COL7A1: variants seen among roughly 807,000 people sequenced by gnomAD.
COL7A1 encodes collagen type VII alpha 1 chain.
In COL7A1, 296 loss-of-function variants were observed where a neutral mutation model predicts 456.2. The observed-to-expected ratio is 0.65, with a 90% CI of 0.59 to 0.71. COL7A1 has a LOEUF of 0.71. Among genes scored for constraint, COL7A1 ranks in the 30% least tolerant of loss-of-function variants. The pLI is 0.00. For synonymous variants in COL7A1, 1,464 were observed against 1,525.9 expected (o/e 0.96, Z 0.95); for missense variants, 3,441 against 4,017.2 (o/e 0.86, Z 3.88).
chr3:48,576,097 C>A lies in COL7A1; in HGVS notation c.5820+152G>T, dbSNP rs1321564969. On this transcript the variant is annotated intron_variant, in intron 71 of 118. Coordinates refer to ENST00000681320, the MANE Select transcript of COL7A1 (RefSeq NM_000094.4). ...GGTGTGTCCCCACTGCCCAAGTTCC[C>A]TTGAGTGTGGGCTACAAGAACCCCA... 1.6e-5 allele frequency: 22 copies of A among 1,405,610 alleles called. No homozygotes were observed. In the South Asian group the frequency reaches 2.7e-4, roughly 17 times the overall value. The allele number at this position is 1,405,610 out of a possible 1,614,324, so 87.1% of individuals were successfully genotyped here.
chr3:48,566,501 C>T lies in COL7A1; in HGVS notation c.8358+9G>A. The T allele has an allele frequency of 6.2e-7, 1 of 1,614,044 alleles. No individual in the cohort carries two copies. The highest frequency in any genetic ancestry group is 1.3e-5 in the African/African-American group (1 of 75,032). ...AGGCCCTCCCAGGCCCATCCAGGCC[C>T]ACACTCACCGTCAGTGCAGCTTCTC... On this transcript the variant is annotated intron_variant, in intron 113 of 118. Coordinates refer to ENST00000681320, the MANE Select transcript of COL7A1 (RefSeq NM_000094.4). The surrounding 1 kb of genome is among the most constrained non-coding windows in gnomAD (Gnocchi z 5.9).
chr3:48,579,059 G>A lies in COL7A1; in HGVS notation c.5389-105C>T. On this transcript the variant is annotated intron_variant, in intron 62 of 118. Coordinates refer to ENST00000681320, the MANE Select transcript of COL7A1 (RefSeq NM_000094.4). This position sits in a 1 kb window ranked among gnomAD's most constrained non-coding sequence, Gnocchi z 4.4. ...CAAGAACATGCCCCACCCAGGCAGG[G>A]CTCTGGGAGAAGACACAGACAACAG... The A allele has an allele frequency of 1.3e-6, 2 of 1,557,518 alleles. No individual in the cohort carries two copies. Among genetic ancestry groups the A allele is most frequent in the Non-Finnish European group, 1.8e-6 (2 of 1,130,218 alleles).
At chr3:48,589,187 CACTT>C (rs1205298913) in intron 18 of COL7A1, 136 bp downstream of exon 18, 6 of 1,470,030 alleles carry the variant, frequency 4.1e-6, no homozygotes, top group Admixed American at 3.6e-5. Flanking sequence ...CGTGGGTGGA[CACTT>C]AATCAGTGTG....
Position 48,572,149 on chromosome 3 carries a change from A to G in COL7A1, c.7001T>C (p.Leu2334Pro). 3 of 1,614,008 alleles carry G rather than the reference A, an allele frequency of 1.9e-6. No individual in the cohort carries two copies. The South Asian group carries it at 3.3e-5, about 18-fold the overall frequency. The change falls in exon 91 of 119, where the codon CTG becomes CCG. Residue 2334 changes from leucine to proline, a missense_variant. Physicochemically the swap from Leu to Pro is moderately conservative, Grantham distance 98 (BLOSUM62 -3). Transcript: ENST00000681320. The surrounding 1 kb of genome is among the most constrained non-coding windows in gnomAD (Gnocchi z 4.6). The stretch of plus-strand genomic sequence containing the variant: ...CACCTTCTCGCCTCGCGGCCCTGGC[A>G]GTCCTCGGTCACCTTTGGCTCCCTG... ...GEPGAKGDRG[L>P]PGPRGEKGEA...
Position 48,568,533 on chromosome 3 carries a change from C to A in COL7A1, c.7760G>T (p.Gly2587Val). The change falls in exon 105 of 119, where the codon GGT becomes GTT. Residue 2587 changes from glycine (G) to valine (V), a missense_variant and splice_region_variant. By Grantham distance (109) the Gly-to-Val change is moderately radical (BLOSUM62 -3). Around this residue, in one of 3 missense-constraint regions of COL7A1, gnomAD observed 2,084 missense variants for 2,501.3 expected, o/e 0.83. Transcript: ENST00000681320. The surrounding 1 kb of genome is among the most constrained non-coding windows in gnomAD (Gnocchi z 5.2). ...AGGGATCCCTGCTGCACCAGGTTGA[C>A]CCTGTGAGAAACACAGATGGGGGAG... ...PGLRGLLGPQ[G>V]QPGAAGIPGD... is the part of the protein sequence containing the mutation. 1 of 1,607,560 alleles carries A rather than the reference C, an allele frequency of 6.2e-7. No individual in the cohort carries two copies. The highest frequency in any genetic ancestry group is 8.5e-7 in the Non-Finnish European group (1 of 1,175,342).
Position 48,588,944 on chromosome 3 carries a change from C to A in COL7A1, c.2366G>T (p.Ser789Ile). The part of the protein sequence containing the change: ...VSRLQILNAS[S>I]DVLRITWVGV... ...TACCCAGGTGATCCGTAGAACGTCG[C>A]TGGAAGCATTGAGGATCTGCAGCCT... is the stretch of plus-strand genomic sequence containing the variant. The change falls in exon 19 of 119, where the codon AGC becomes ATC. Residue 789 changes from serine to isoleucine, a missense_variant. Ser to Ile is a moderately radical substitution (Grantham distance 142, BLOSUM62 -2). Around this residue, in one of 3 missense-constraint regions of COL7A1, gnomAD observed 913 missense variants for 1,088.2 expected, o/e 0.84. Transcript: ENST00000681320. The surrounding 1 kb of genome is among the most constrained non-coding windows in gnomAD (Gnocchi z 4.6). The A allele has an allele frequency of 6.2e-7, 1 of 1,613,618 alleles. No individual in the cohort carries two copies.
chr3:48,592,898 A>G lies in COL7A1; in HGVS notation c.723T>C (p.Ser241=), dbSNP rs1458948766. ...CTCTCAAGGATTGGCTGCTTGGCTC[A>G]GACAGCACCAGGTCTCGTGGAGCAG... is the stretch of plus-strand genomic sequence containing the variant. The part of the protein sequence containing the change: ...STSAPRDLVL[S]EPSSQSLRVQ... Residue 241 remains serine, a synonymous_variant, in exon 7 of 119, where the codon TCT becomes TCC. Coordinates refer to ENST00000681320, the MANE Select transcript of COL7A1 (RefSeq NM_000094.4). This position sits in a 1 kb window ranked among gnomAD's most constrained non-coding sequence, Gnocchi z 7.6. The G allele has an allele frequency of 6.2e-7, 1 of 1,614,032 alleles. No individual in the cohort carries two copies.
Position 48,569,353 on chromosome 3 carries a change from T to C in COL7A1, c.7686+22A>G. 5.6e-6 allele frequency: 9 copies of C among 1,612,812 alleles called. No individual in the cohort carries two copies. Among genetic ancestry groups the C allele is most frequent in the Non-Finnish European group, 7.6e-6 (9 of 1,179,506 alleles). The stretch of plus-strand genomic sequence containing the variant: ...CACAGCCACAGGACCCCACAGAGAG[T>C]ACACCACCCTCTTCCCTGTACCTTG... On this transcript the variant is annotated intron_variant, in intron 103 of 118. Transcript: ENST00000681320. The surrounding 1 kb of genome is among the most constrained non-coding windows in gnomAD (Gnocchi z 4.9).
rs954849188 is a variant in COL7A1, at chr3:48,572,961, G to C, written c.6751-19C>G. 2 of 1,613,902 alleles carry C rather than the reference G, an allele frequency of 1.2e-6. No homozygotes were observed. The highest frequency in any genetic ancestry group is 1.3e-5 in the African/African-American group (1 of 74,906). On this transcript the variant is annotated intron_variant, in intron 86 of 118. Transcript: ENST00000681320. The surrounding 1 kb of genome is among the most constrained non-coding windows in gnomAD (Gnocchi z 4.6). ...TCTCCCCCTGAGAGGGAAGAGCTCT[G>C]TCAGGGCTGCCTGTCGACCCTTGAC...
rs774514157 is a variant in COL7A1, at chr3:48,592,084, A to G, written c.1240+18T>C. On this transcript the variant is annotated intron_variant, in intron 10 of 118. Coordinates refer to ENST00000681320, the MANE Select transcript of COL7A1 (RefSeq NM_000094.4). This position sits in a 1 kb window ranked among gnomAD's most constrained non-coding sequence, Gnocchi z 7.6. ...TGCCTGCCCGTCCCAGCCTGAAGAAAGTGCCCAGCCTTCTCACCAGTGCGA... is the reference window on the plus strand; with the variant it reads ...TGCCTGCCCGTCCCAGCCTGAAGAAGGTGCCCAGCCTTCTCACCAGTGCGA... 1.2e-6 allele frequency: 2 copies of G among 1,614,138 alleles called. No homozygotes were observed. The highest frequency in any genetic ancestry group is 1.7e-6 in the Non-Finnish European group (2 of 1,180,008).
In COL7A1 at chr3:48,590,580, C is replaced by G. The variant is rs749549682; in HGVS notation, c.1785G>C (p.Pro595=). The G allele has an allele frequency of 6.2e-7, 1 of 1,614,114 alleles. No individual in the cohort carries two copies. Among genetic ancestry groups the G allele is most frequent in the Non-Finnish European group, 8.5e-7 (1 of 1,180,032 alleles). Residue 595 remains proline, a synonymous_variant, in exon 15 of 119, where the codon CCG becomes CCC. Transcript: ENST00000681320. The surrounding 1 kb of genome is among the most constrained non-coding windows in gnomAD (Gnocchi z 4.6). ...SASVLTVRRE[P]ETPLAVPGLR... ...GCCCTGGAACAGCAAGTGGAGTTTC[C>G]GGCTCTAGGAGTTACAGACAGAAGT...
rs2043846853 is a variant in COL7A1, at chr3:48,570,559, C to T, written c.7345-59G>A. On this transcript the variant is annotated intron_variant, in intron 96 of 118. Transcript: ENST00000681320. This position sits in a 1 kb window ranked among gnomAD's most constrained non-coding sequence, Gnocchi z 5.5. Reference sequence around the variant, plus strand: ...TCTCAAAGCGCCTCCCCCAACACCCCACAGTGTGGCCCGCCCCATCCTAAG... The same window carrying T: ...TCTCAAAGCGCCTCCCCCAACACCCTACAGTGTGGCCCGCCCCATCCTAAG... 3 of 1,613,650 alleles carry T rather than the reference C, an allele frequency of 1.9e-6. No individual in the cohort carries two copies. Among genetic ancestry groups the T allele is most frequent in the Admixed American group, 3.3e-5 (2 of 59,980 alleles).
rs201073662 is a variant in COL7A1 at position 48,585,916 on chromosome 3, C to A, written c.3759+24G>T. The A allele has an allele frequency of 7.4e-6, 12 of 1,614,126 alleles. No individual in the cohort carries two copies. Among genetic ancestry groups the A allele is most frequent in the Non-Finnish European group, 1.0e-5 (12 of 1,180,018 alleles). ...GCTAGCCCCAGGTGCAGCCTCTGTT[C>A]ACCTCTCGATGAGGGACTCTTACCT... On this transcript the variant is annotated intron_variant, in intron 29 of 118. Coordinates refer to ENST00000681320, the MANE Select transcript of COL7A1 (RefSeq NM_000094.4). This position sits in a 1 kb window ranked among gnomAD's most constrained non-coding sequence, Gnocchi z 4.5.
chr3:48,579,921 AG>A lies in COL7A1; in HGVS notation c.5125-108del. 6.2e-7 allele frequency: 1 copy of A among 1,607,186 alleles called. No individual in the cohort carries two copies. The highest frequency in any genetic ancestry group is 8.5e-7 in the Non-Finnish European group (1 of 1,173,862). Reference sequence around the variant, plus strand: ...CTCCAGGGATCCGCGGAGGTTTCAGAGGGACAGTGGGGGAAGTGGGAGTTAG... The same window carrying A: ...CTCCAGGGATCCGCGGAGGTTTCAGAGGACAGTGGGGGAAGTGGGAGTTAG... On this transcript the variant is annotated intron_variant, in intron 57 of 118. Transcript: ENST00000681320. The surrounding 1 kb of genome is among the most constrained non-coding windows in gnomAD (Gnocchi z 4.4).
At position 48,584,741 on chromosome 3, in the gene COL7A1, C is replaced by T. The variant is rs1176011232; in HGVS notation, c.4040G>A (p.Gly1347Glu). The part of the protein sequence containing the change: ...PGERGPRGPK[G>E]EPGAPGQVIG... ...CCTTCCCCCTTCACCTACCGGCTCCCCCTTTGGGCCTCGAGGTCCTCGCTC... is the reference window on the plus strand; with the variant it reads ...CCTTCCCCCTTCACCTACCGGCTCCTCCTTTGGGCCTCGAGGTCCTCGCTC... The change falls in exon 35 of 119, where the codon GGG becomes GAG. Residue 1347 changes from glycine to glutamate, a missense_variant. This residue lies in a region of COL7A1 where 2,084 missense variants were observed against 2,501.3 expected (regional missense o/e 0.83). Coordinates refer to ENST00000681320, the MANE Select transcript of COL7A1 (RefSeq NM_000094.4). 1 of 1,613,932 alleles carries T rather than the reference C, an allele frequency of 6.2e-7. No individual in the cohort carries two copies. The highest frequency in any genetic ancestry group is 1.3e-5 in the African/African-American group (1 of 74,928).
chr3:48,584,880 T>C (rs769795315), intron 34 of COL7A1, 30 bp downstream of exon 34: 10 of 1,613,604 alleles, frequency 6.2e-6, no homozygotes, highest in Non-Finnish European at 6.8e-6. Context: ...GGGAAGACAC[T>C]TAGAGAGCAA....
Position 48,588,831 on chromosome 3 carries a change from C to T in COL7A1, c.2440+39G>A, listed in dbSNP as rs1395555122. The T allele has an allele frequency of 1.2e-6, 2 of 1,613,376 alleles. No homozygotes were observed. The highest frequency in any genetic ancestry group is 4.5e-5 in the East Asian group (2 of 44,882). On this transcript the variant is annotated intron_variant, in intron 19 of 118. Coordinates refer to ENST00000681320, the MANE Select transcript of COL7A1 (RefSeq NM_000094.4). The surrounding 1 kb of genome is among the most constrained non-coding windows in gnomAD (Gnocchi z 4.6). The stretch of plus-strand genomic sequence containing the variant: ...CAGCAATGGTTAGGGGTGAGCAGTC[C>T]CAGCCAGGAAGGACAGGGGTGGCGT...
At position 48,591,719 on chromosome 3, in the gene COL7A1, C is replaced by A; in HGVS notation, c.1461G>T (p.Leu487=). Residue 487 remains leucine, a synonymous_variant, in exon 12 of 119, where the codon CTG becomes CTT. Transcript: ENST00000681320. This position sits in a 1 kb window ranked among gnomAD's most constrained non-coding sequence, Gnocchi z 7.0. ...GTEYRLTLYT[L]LEGHEVATPA... ...GGGTGGCCACCTCGTGGCCCTCCAG[C>A]AGAGTGTAGAGTGTGAGGCGGTACT... 1 of 1,614,180 alleles carries A rather than the reference C, an allele frequency of 6.2e-7. No homozygotes were observed. Among genetic ancestry groups the A allele is most frequent in the Non-Finnish European group, 8.5e-7 (1 of 1,180,026 alleles).
Position 48,586,153 on chromosome 3 carries a change from G to A in COL7A1, c.3644C>T (p.Ala1215Val), listed in dbSNP as rs2045240448. Residue 1215 changes from alanine (A) to valine (V), a missense_variant, in exon 28 of 119, where the codon GCC (alanine) becomes GTC (valine). Transcript: ENST00000681320. The surrounding 1 kb of genome is among the most constrained non-coding windows in gnomAD (Gnocchi z 5.1). ...PGMDSVQTFF[A>V]VDDGPSLDQA... ...GTCCAGGCTTGGCCCATCATCCACG[G>A]CGAAGAAGGTCTGGACAGAGTCCAT... 3.1e-6 allele frequency: 5 copies of A among 1,613,330 alleles called. No individual in the cohort carries two copies. Among genetic ancestry groups the A allele is most frequent in the Non-Finnish European group, 4.2e-6 (5 of 1,180,042 alleles).
Sources: allele counts gnomAD v4.1 joint callset, GRCh38; gene constraint gnomAD v4.1.1; regional missense constraint gnomAD v4.1.1; non-coding constraint Gnocchi (gnomAD v3.1); transcripts MANE v1.5; gene names NCBI Gene and HGNC (gene_info 2026-07-23, HGNC 2026-07-21).